The following CCDC88C variants were observed in gnomAD, a reference collection of about 807,000 sequenced individuals.
CCDC88C encodes protein Daple.
In CCDC88C, 131 loss-of-function variants were observed where a neutral mutation model predicts 198.8. The observed-to-expected ratio is 0.66, with a 90% CI of 0.57 to 0.76. The LOEUF is 0.76. Ranked by LOEUF, CCDC88C falls within the 30% of genes least tolerant of loss-of-function variation. The pLI is 0.00. For missense variants in CCDC88C, 2,553 were observed against 2,631.6 expected (o/e 0.97, Z 0.65); for synonymous variants, 1,166 against 1,114.7 (o/e 1.05, Z -0.92).
intron 3 of CCDC88C, among the ~76,000 whole-genome samples, chr14:91,368,210 C>T (rs1894627616): frequency 6.6e-6 from 1 of 152,196 alleles, no homozygotes; most frequent in Admixed American, 6.5e-5. Context: ...TACTGTTCTG[C>T]TCTATCACTG....
chr14:91,379,082 T>A (rs1356952110), intron 3 of CCDC88C: 4 of 152,178 alleles, frequency 2.6e-5, no homozygotes, highest in Non-Finnish European at 5.9e-5. Context: ...AGCACAGCAA[T>A]TTGCATTCCC....
chr14:91,304,021 C>T lies in CCDC88C; in HGVS notation c.3358-43G>A, dbSNP rs1392742608. ...CGCGGCGTGGCGCAGGCCCCACAGT[C>T]AGCGAGGAGGGCTGGGGAGCAGGTC... On this transcript the variant is annotated intron_variant, in intron 19 of 29. Transcript: ENST00000389857. 2.5e-6 allele frequency: 4 copies of T among 1,578,596 alleles called. No individual in the cohort carries two copies. In the South Asian group the frequency reaches 4.5e-5, roughly 18 times the overall value.
intron 13 of CCDC88C, among the ~76,000 whole-genome samples, chr14:91,316,081 CG>C (rs1892081483): frequency 6.6e-6 from 1 of 152,220 alleles, no homozygotes; most frequent in Non-Finnish European, 1.5e-5. Context: ...GGGTTTCACA[CG>C]CACCCAGCTT....
rs770559847 is a variant in CCDC88C, at chr14:91,338,243, GGT to G, written c.892-82_892-81del. 2 of 1,541,186 alleles carry G rather than the reference GGT, an allele frequency of 1.3e-6. No homozygotes were observed. Among genetic ancestry groups the G allele is most frequent in the Non-Finnish European group, 8.8e-7 (1 of 1,130,820 alleles). On this transcript the variant is annotated intron_variant, in intron 9 of 29. Coordinates refer to ENST00000389857, the MANE Select transcript of CCDC88C (RefSeq NM_001080414.4). The surrounding 1 kb of genome is among the most constrained non-coding windows in gnomAD (Gnocchi z 4.8). The stretch of plus-strand genomic sequence containing the variant: ...CAGAAAGGCCATTGCCCTTCTGCAT[GGT>G]GTCTCCACGACGGCCCAGGACAAGC...
chr14:91,277,322 C>T (rs1851629512), intron 29 of CCDC88C, among the ~76,000 whole-genome samples: 1 of 152,204 alleles, frequency 6.6e-6, no homozygotes, highest in South Asian at 2.1e-4. Context: ...CCAGTTGCTA[C>T]ATTTTTAATT....
At chr14:91,283,290 G>C in intron 26 of CCDC88C, 39 bp downstream of exon 26, 2 of 1,595,392 alleles carry the variant, frequency 1.3e-6, no homozygotes, top group Non-Finnish European at 1.7e-6. Context: ...AAGGACACTA[G>C]GCCCGACGCT....
intron 3 of CCDC88C, among the ~76,000 whole-genome samples, chr14:91,397,505 T>C (rs1885923271): frequency 2.6e-5 from 4 of 152,060 alleles, no homozygotes; most frequent in Admixed American, 2.6e-4. Flanking sequence ...CACACACACA[T>C]TCTCTCCATC....
intron 3 of CCDC88C, among the ~76,000 whole-genome samples, chr14:91,376,775 A>G (rs1884448319): frequency 1.3e-5 from 2 of 152,238 alleles, no homozygotes; most frequent in Non-Finnish European, 2.9e-5. Flanking sequence ...TTCAGCCCCC[A>G]GCTGGCTGCC....
At chr14:91,377,292 C>T (rs951985730) in intron 3 of CCDC88C, among the ~76,000 whole-genome samples, 2 of 152,206 alleles carry the variant, frequency 1.3e-5, no homozygotes, top group Non-Finnish European at 2.9e-5. Context: ...TCTTCCACCG[C>T]GGAGCTCCCA....
intron 3 of CCDC88C, among the ~76,000 whole-genome samples, chr14:91,361,703 T>C (rs1044012925): frequency 2.0e-5 from 3 of 152,174 alleles, no homozygotes; most frequent in African/African-American, 4.8e-5. Context: ...TGTTGGACAA[T>C]AGTGTGAGTT....
intron 25 of CCDC88C, chr14:91,285,549 G>T (rs1890367979): frequency 2.2e-6 from 2 of 896,160 alleles, no homozygotes; most frequent in Non-Finnish European, 3.0e-6. Context: ...CTTGAAATTG[G>T]GGGCAGGAGG....
At chr14:91,386,780 C>A (rs540766130) in intron 3 of CCDC88C, among the ~76,000 whole-genome samples, 2 of 152,202 alleles carry the variant, frequency 1.3e-5, no homozygotes, top group Non-Finnish European at 2.9e-5. Flanking sequence ...TCACGCCCAG[C>A]GCCAAAACAG....
rs1176794353 is a variant in CCDC88C, at chr14:91,273,420, G to A, written c.5292C>T (p.Pro1764=). ...GCTGGGCCTGTCTCGGGGCCACGCT[G>A]GGTGGGGCCTCGGCCTCAGTCAGTC... ...NFRLTEAEAP[P]SVAPRQAQPP... Residue 1764 remains proline (P), a synonymous_variant, in exon 30 of 30, where the codon CCC becomes CCT. Coordinates refer to ENST00000389857, the MANE Select transcript of CCDC88C (RefSeq NM_001080414.4). The surrounding 1 kb of genome is among the most constrained non-coding windows in gnomAD (Gnocchi z 5.6). 3 of 1,567,538 alleles carry A rather than the reference G, an allele frequency of 1.9e-6. No individual in the cohort carries two copies. Among genetic ancestry groups the A allele is most frequent in the Non-Finnish European group, 2.6e-6 (3 of 1,155,498 alleles).
Position 91,399,919 on chromosome 14 carries a change from C to A in CCDC88C, c.270+8740G>T, listed in dbSNP as rs192260274. Among the ~76,000 whole-genome samples, 166 of 152,054 alleles carry A rather than the reference C, an allele frequency of 1.1e-3. 1 individual carries two copies. The highest frequency in any genetic ancestry group is 3.9e-3 in the African/African-American group (160 of 41,450). On this transcript the variant is annotated intron_variant, in intron 3 of 29. Transcript: ENST00000389857. ...TAAGCACAGCCTGGAGCCTCACCCCCATACCCGCAAGAGACGCCCCAACCT... is the reference window on the plus strand; with the variant it reads ...TAAGCACAGCCTGGAGCCTCACCCCAATACCCGCAAGAGACGCCCCAACCT...
intron 22 of CCDC88C, among the ~76,000 whole-genome samples, chr14:91,295,163 G>A (rs1043651680): frequency 6.6e-6 from 1 of 152,132 alleles, no homozygotes. Flanking sequence ...CACCCCATAA[G>A]CAATTCTAAC....
intron 3 of CCDC88C, among the ~76,000 whole-genome samples, chr14:91,394,927 G>T (rs984969943): frequency 1.3e-5 from 2 of 152,112 alleles, no homozygotes; most frequent in Non-Finnish European, 2.9e-5. Flanking sequence ...GGCCTTGGGT[G>T]GGGGGCCTGC....
intron 3 of CCDC88C, among the ~76,000 whole-genome samples, chr14:91,407,618 G>A (rs1482900025): frequency 2.6e-5 from 4 of 152,236 alleles, no homozygotes; most frequent in Non-Finnish European, 2.9e-5. Context: ...CTGGGTTCTC[G>A]AGAAAAATCA....
At chr14:91,329,350 T>C (rs1193155462) in intron 10 of CCDC88C, among the ~76,000 whole-genome samples, 1 of 152,182 alleles carries the variant, frequency 6.6e-6, no homozygotes, top group Non-Finnish European at 1.5e-5. Flanking sequence ...GTTCAGGGTG[T>C]CCTTAGTAAG....
chr14:91,307,285 CGAGT>C, intron 17 of CCDC88C, 59 bp from the exon 18 acceptor site: 1 of 1,536,990 alleles, frequency 6.5e-7, no homozygotes, highest in South Asian at 1.1e-5. Context: ...CCTGGAGCCC[CGAGT>C]GAGTGGCTGA....
Sources: gnomAD v4.1 joint callset for allele counts (sites outside exome capture counted in the v4.1 genomes callset) on GRCh38, gnomAD v4.1.1 for gene constraint, Gnocchi (gnomAD v3.1) non-coding constraint, MANE v1.5 for transcripts, NCBI Gene and HGNC (gene_info 2026-07-23, HGNC 2026-07-21) for gene names.